Variants in VIPR2 observed in about 807,000 individuals in gnomAD.
VIPR2 encodes the protein vasoactive intestinal polypeptide receptor 2.
VIPR2 carries 48 observed loss-of-function variants against 58.0 expected under a neutral mutation model. That is an observed-to-expected ratio of 0.83 (90% CI 0.66 to 1.05). The LOEUF is 1.05. VIPR2 is among the 50% of genes least tolerant of loss of function. The pLI is 0.00. For synonymous variants in VIPR2, 243 were observed against 235.2 expected (o/e 1.03, Z -0.30); for missense variants, 534 against 558.0 (o/e 0.96, Z 0.43).
chr7:159,061,894 G>A (rs1399367794), intron 4 of VIPR2, among the ~76,000 whole-genome samples: 2 of 152,162 alleles, frequency 1.3e-5, no homozygotes, highest in Non-Finnish European at 2.9e-5. Flanking sequence ...CACTGCTAGC[G>A]GGAGAAGCCT....
At chr7:159,034,502 T>G in intron 9 of VIPR2, 79 bp downstream of exon 9, 1 of 1,470,470 alleles carries the variant, frequency 6.8e-7, no homozygotes, top group South Asian at 1.1e-5. Context: ...CAGTTCTATT[T>G]AATAAAGGAT....
At chr7:159,070,105 T>C (rs1402051126) in intron 4 of VIPR2, among the ~76,000 whole-genome samples, 1 of 152,222 alleles carries the variant, frequency 6.6e-6, no homozygotes, top group Non-Finnish European at 1.5e-5. Flanking sequence ...GCTCAGGGCT[T>C]CTGTACCGAG....
rs1585487508 is a variant in VIPR2, at chr7:159,098,567, G to C, written c.357+5190C>G. On this transcript the variant is annotated intron_variant, in intron 4 of 12. Transcript: ENST00000262178. The surrounding 1 kb of genome is among the most constrained non-coding windows in gnomAD (Gnocchi z 5.2). The stretch of plus-strand genomic sequence containing the variant: ...AAATAAAGGCCCAGACCATGGCCAC[G>C]GCTGGTGCGGCCCCTTGGGCTCCAG... 6.6e-6 allele frequency among the ~76,000 whole-genome samples: 1 copy of C among 152,020 alleles called. No individual in the cohort carries two copies.
chr7:159,048,376 C>T (rs1422783167), intron 5 of VIPR2, among the ~76,000 whole-genome samples: 4 of 152,188 alleles, frequency 2.6e-5, no homozygotes, highest in Non-Finnish European at 4.4e-5. Flanking sequence ...GAAATGACTC[C>T]TGGTACCAGA....
intron 4 of VIPR2, among the ~76,000 whole-genome samples, chr7:159,101,848 G>A (rs1211004295): frequency 2.2e-5 from 3 of 136,590 alleles, no homozygotes; most frequent in Non-Finnish European, 3.1e-5. Context: ...CGGGTCTCAC[G>A]AGATCCGACG....
intron 5 of VIPR2, among the ~76,000 whole-genome samples, chr7:159,046,303 G>C (rs572949864): frequency 3.5e-4 from 54 of 152,326 alleles, no homozygotes; most frequent in Middle Eastern, 6.8e-3. Flanking sequence ...GGCAAATGGT[G>C]AAACAGTTCA....
At chr7:159,091,992 T>C (rs1857532065) in intron 4 of VIPR2, among the ~76,000 whole-genome samples, 1 of 152,224 alleles carries the variant, frequency 6.6e-6, no homozygotes, top group East Asian at 1.9e-4. Flanking sequence ...CTCTGGAGGC[T>C]GAGGCACGAG....
chr7:159,034,766 T>C (rs889792913), intron 8 of VIPR2, 116 bp from the exon 9 acceptor site: 1 of 788,584 alleles, frequency 1.3e-6, no homozygotes, highest in African/African-American at 1.7e-5. Flanking sequence ...GGAAGCACAA[T>C]TTCTCTGCAC....
At chr7:159,076,452 A>T (rs1309340588) in intron 4 of VIPR2, among the ~76,000 whole-genome samples, 1 of 152,224 alleles carries the variant, frequency 6.6e-6, no homozygotes, top group Non-Finnish European at 1.5e-5. Flanking sequence ...TTAGTAAAAA[A>T]GTCTTTAGCC....
chr7:159,111,628 C>T (rs1041310811), intron 2 of VIPR2, among the ~76,000 whole-genome samples: 8 of 151,202 alleles, frequency 5.3e-5, no homozygotes, highest in South Asian at 2.1e-4. Context: ...TGCAGTGAGC[C>T]GAGATCGCAT....
At chr7:159,045,155 C>T (rs989099335) in intron 5 of VIPR2, among the ~76,000 whole-genome samples, 1 of 152,004 alleles carries the variant, frequency 6.6e-6, no homozygotes, top group African/African-American at 2.4e-5. Flanking sequence ...AGAAAGAAAA[C>T]AAAGAATGAA....
chr7:159,119,062 A>G (rs1796352200), intron 2 of VIPR2, among the ~76,000 whole-genome samples: 1 of 152,232 alleles, frequency 6.6e-6, no homozygotes, highest in Admixed American at 6.5e-5. Flanking sequence ...TCGTGGTTCC[A>G]AGTGTACCCA....
intron 4 of VIPR2, among the ~76,000 whole-genome samples, chr7:159,070,791 C>T (rs1339069099): frequency 6.6e-6 from 1 of 152,258 alleles, no homozygotes. Flanking sequence ...TTTGATTTTA[C>T]ACATCCCGTG....
intron 4 of VIPR2, among the ~76,000 whole-genome samples, chr7:159,063,850 G>T (rs181651229): frequency 0.12 from 2,553 of 22,068 alleles, 47 homozygotes; most frequent in Non-Finnish European, 0.15. Flanking sequence ...GGTCTGGGGG[G>T]CCTGGTGGGT....
intron 4 of VIPR2, among the ~76,000 whole-genome samples, chr7:159,085,102 G>A (rs1563309808): frequency 6.6e-6 from 1 of 152,186 alleles, no homozygotes; most frequent in African/African-American, 2.4e-5. Flanking sequence ...GATCTATCCT[G>A]TGGCAAATAT....
chr7:159,040,720 A>G (rs927649708), intron 6 of VIPR2, among the ~76,000 whole-genome samples: 1 of 152,124 alleles, frequency 6.6e-6, no homozygotes, highest in African/African-American at 2.4e-5. Flanking sequence ...AAAAAATTCA[A>G]CTGGAAGGAA....
rs1857964262 is a variant in VIPR2 at position 159,097,931 on chromosome 7, C to T, written c.357+5826G>A. On this transcript the variant is annotated intron_variant, in intron 4 of 12. Transcript: ENST00000262178. This position sits in a 1 kb window ranked among gnomAD's most constrained non-coding sequence, Gnocchi z 5.3. ...TAAGGATTCCAGGCTCTGACTCCAA[C>T]TGGCACCAGCTGGGAACGTGCTGGA... 6.6e-6 allele frequency among the ~76,000 whole-genome samples: 1 copy of T among 152,302 alleles called. No homozygotes were observed.
intron 2 of VIPR2, among the ~76,000 whole-genome samples, chr7:159,133,869 T>C (rs1045700063): frequency 6.6e-6 from 1 of 152,212 alleles, no homozygotes; most frequent in African/African-American, 2.4e-5. Flanking sequence ...AATAAGAATG[T>C]CGATGATGTA....
intron 2 of VIPR2, among the ~76,000 whole-genome samples, chr7:159,112,889 C>T (rs980040649): frequency 3.5e-5 from 5 of 144,086 alleles, no homozygotes; most frequent in African/African-American, 1.3e-4. Context: ...TACTTGGGAC[C>T]GGATCCTGAC....
Sources: gnomAD v4.1 joint callset for allele counts (sites outside exome capture counted in the v4.1 genomes callset) on GRCh38, gnomAD v4.1.1 for gene constraint, Gnocchi (gnomAD v3.1) non-coding constraint, MANE v1.5 for transcripts, NCBI Gene and HGNC (gene_info 2026-07-23, HGNC 2026-07-21) for gene names.